The following STK31 variants were observed in gnomAD, a reference collection of about 807,000 sequenced individuals.
STK31 encodes serine/threonine-protein kinase 31.
STK31 carries 89 observed loss-of-function variants against 129.7 expected under a neutral mutation model. The observed-to-expected ratio is 0.69, with a 90% CI of 0.58 to 0.82. The LOEUF (loss-of-function observed/expected upper bound fraction) is 0.82. Among genes scored for constraint, STK31 ranks in the 40% least tolerant of loss-of-function variants. The probability of loss-of-function intolerance (pLI) is 0.00; values close to 1 mark genes in which losing one functional copy is unlikely to be tolerated. For synonymous variants in STK31, 448 were observed against 395.3 expected, an observed-to-expected ratio of 1.13 and a Z score of -1.58; for missense variants, 1,187 against 1,176.4, an observed-to-expected ratio of 1.01 and a Z score of -0.13.
intron 22 of STK31, among the ~76,000 whole-genome samples, chr7:23,814,738 T>C (rs537782957): frequency 6.6e-6 from 1 of 151,354 alleles, no homozygotes; most frequent in Non-Finnish European, 1.5e-5. Flanking sequence ...ATCCCCCTGA[T>C]TTCTGAAGTT....
At chr7:23,798,204 T>A (rs191324675) in intron 22 of STK31, among the ~76,000 whole-genome samples, 40 of 152,282 alleles carry the variant, frequency 2.6e-4, no homozygotes, top group Admixed American at 1.3e-4. Context: ...TTTCTGAAAC[T>A]GTTCCAAACA....
chr7:23,718,622 G>A (rs373519790), intron 4 of STK31, among the ~76,000 whole-genome samples: 1 of 151,980 alleles, frequency 6.6e-6, no homozygotes, highest in African/African-American at 2.4e-5. Context: ...GGCTTCTTTT[G>A]TTCAACATAA....
intron 22 of STK31, among the ~76,000 whole-genome samples, chr7:23,803,126 A>AT (rs1317432682): frequency 2.0e-5 from 3 of 152,162 alleles, no homozygotes; most frequent in East Asian, 3.9e-4. Context: ...TTACAACAGT[A>AT]TTTTTTTGAT....
intron 18 of STK31, among the ~76,000 whole-genome samples, chr7:23,786,107 T>C (rs1791266640): frequency 6.6e-6 from 1 of 150,956 alleles, no homozygotes; most frequent in Non-Finnish European, 1.5e-5. Flanking sequence ...TATACTTTCC[T>C]TTTTTTTTGG....
chr7:23,815,238 G>A (rs1273146623), intron 23 of STK31, 26 bp downstream of exon 23: 19 of 1,480,634 alleles, frequency 1.3e-5, no homozygotes, highest in East Asian at 2.4e-5. Flanking sequence ...GACATTTACT[G>A]GTTTGAAACA....
In STK31 at chr7:23,755,657, A is replaced by G. The variant is rs569016751; in HGVS notation, c.1293+1183A>G. Among the ~76,000 whole-genome samples, 347 of 152,318 alleles carry G rather than the reference A, an allele frequency of 2.3e-3. 1 individual carries two copies. Among genetic ancestry groups the G allele is most frequent in the Admixed American group, 4.8e-3 (73 of 15,302 alleles). On this transcript the variant is annotated intron_variant, in intron 10 of 23. Coordinates refer to ENST00000355870, the MANE Select transcript of STK31 (RefSeq NM_031414.5). ...GGTTTTACATTTAAGTCTTTAATCC[A>G]TCTAGAGTTAATTTTTGTGTAAAGT...
At position 23,790,838 on chromosome 7, in the gene STK31, G is replaced by A. The variant is rs138551298; in HGVS notation, c.2652G>A (p.Ser884=). 4.9e-5 allele frequency: 79 copies of A among 1,597,480 alleles called. No homozygotes were observed. Among genetic ancestry groups the A allele is most frequent in the Non-Finnish European group, 5.5e-5 (65 of 1,174,630 alleles). The change falls in exon 22 of 24, where the codon TCG becomes TCA. Residue 884 remains serine, a synonymous_variant. Transcript: ENST00000355870. Reference sequence around the variant, plus strand: ...TGTTTTTGCAGAGTCAGCGAGCCTCGGTGAACATGATGGTTGGTGACTTGA... The same window carrying A: ...TGTTTTTGCAGAGTCAGCGAGCCTCAGTGAACATGATGGTTGGTGACTTGA... ...DFTKSVSQRA[S]VNMMVGDLSL... is the part of the protein sequence containing the mutation.
chr7:23,710,123 C>T (rs1671223109), upstream of STK31: 1 of 1,293,012 alleles, frequency 7.7e-7, no homozygotes, highest in African/African-American at 1.4e-5. Flanking sequence ...CTCCCGCACG[C>T]TTCTTCCTAG....
chr7:23,710,280 T>A lies in STK31; in HGVS notation c.-6T>A. 6.2e-7 allele frequency: 1 copy of A among 1,611,184 alleles called. No individual in the cohort carries two copies. On this transcript the variant is annotated 5_prime_UTR_variant, in exon 1 of 24. Transcript: ENST00000355870. ...GCTACGGCGGGCGGAGGGCCGAAAG[T>A]CCAGTATGTGGGTCCAGGGTCACTC...
intron 22 of STK31, among the ~76,000 whole-genome samples, chr7:23,803,278 A>T (rs1792492414): frequency 6.6e-6 from 1 of 152,188 alleles, no homozygotes; most frequent in Non-Finnish European, 1.5e-5. Context: ...TTAAAAAGGT[A>T]ATATTCAGAG....
chr7:23,730,878 A>ATATATATATTTTTTT, intron 6 of STK31, among the ~76,000 whole-genome samples: 8 of 59,534 alleles, frequency 1.3e-4, no homozygotes, highest in East Asian at 4.5e-4. Context: ...ATATATATAT[A>ATATATATATTTTTTT]TTTTTTTTTT....
intron 8 of STK31, among the ~76,000 whole-genome samples, chr7:23,742,623 C>T (rs1231455840): frequency 6.6e-6 from 1 of 152,204 alleles, no homozygotes; most frequent in East Asian, 1.9e-4. Context: ...TTTTCTCTTA[C>T]TGTTTCCCTG....
At chr7:23,761,614 G>A (rs1789469225) in intron 10 of STK31, among the ~76,000 whole-genome samples, 1 of 150,944 alleles carries the variant, frequency 6.6e-6, no homozygotes, top group African/African-American at 2.4e-5. Flanking sequence ...TAGAGATGGG[G>A]TTTCACCATG....
chr7:23,769,876 C>T (rs530247422), intron 13 of STK31, 120 bp downstream of exon 13: 2 of 557,146 alleles, frequency 3.6e-6, no homozygotes, highest in South Asian at 7.7e-5. Context: ...TAAGACTGAT[C>T]TTAGCTTTCT....
rs145726390 is a variant in STK31, at chr7:23,832,239, A to C, written c.2933A>C (p.Gln978Pro). Reference sequence around the variant, plus strand: ...GAATGTTTCTTGATGCCAAAGGAGCAATCAGTTCCAAACCCAGAAAAAGAT... The same window carrying C: ...GAATGTTTCTTGATGCCAAAGGAGCCATCAGTTCCAAACCCAGAAAAAGAT... ...NAECFLMPKE[Q>P]SVPNPEKDTE... is the part of the protein sequence containing the mutation. Residue 978 changes from glutamine to proline, a missense_variant, in exon 24 of 24, where the codon CAA becomes CCA. This residue lies in a region of STK31 where 975 missense variants were observed against 934.9 expected (regional missense o/e 1.04). Coordinates refer to ENST00000355870, the MANE Select transcript of STK31 (RefSeq NM_031414.5). 22 of 1,613,996 alleles carry C rather than the reference A, an allele frequency of 1.4e-5. No homozygotes were observed. The highest frequency in any genetic ancestry group is 1.8e-5 in the Non-Finnish European group (21 of 1,179,972).
chr7:23,729,375 A>C lies in STK31; in HGVS notation c.483+126A>C, dbSNP rs772508911. 635 of 853,724 alleles carry C rather than the reference A, an allele frequency of 7.4e-4. 2 individuals carry two copies. The highest frequency in any genetic ancestry group is 1.0e-3 in the Non-Finnish European group (602 of 598,186). The allele number at this position is 853,724 out of a possible 1,614,324, so 52.9% of individuals were successfully genotyped here. On this transcript the variant is annotated intron_variant, in intron 6 of 23. Coordinates refer to ENST00000355870, the MANE Select transcript of STK31 (RefSeq NM_031414.5). ...TATAAATTAGTGAAAAATAGGAATT[A>C]TAATTAGAAAGCAATTATATATTTA...
chr7:23,809,135 G>T (rs901822168), intron 22 of STK31, among the ~76,000 whole-genome samples: 4 of 151,038 alleles, frequency 2.6e-5, no homozygotes, highest in Non-Finnish European at 1.5e-5. Context: ...GTTTTCCTGT[G>T]TTGTATTATA....
chr7:23,819,229 G>T (rs1252071724), intron 23 of STK31, among the ~76,000 whole-genome samples: 2 of 152,052 alleles, frequency 1.3e-5, no homozygotes, highest in Non-Finnish European at 2.9e-5. Flanking sequence ...ATCTTTAAAT[G>T]TTCTTAAAAA....
At chr7:23,726,616 C>CAA (rs768158362) in intron 4 of STK31, among the ~76,000 whole-genome samples, 76 of 108,478 alleles carry the variant, frequency 7.0e-4, no homozygotes, top group African/African-American at 2.5e-3. Context: ...GACCCTGTCT[C>CAA]AAAAAAAAAA....
Sources: gnomAD v4.1 joint callset for allele counts (sites outside exome capture counted in the v4.1 genomes callset) on GRCh38, gnomAD v4.1.1 for gene constraint, gnomAD v4.1.1 regional missense constraint, MANE v1.5 for transcripts, NCBI Gene and HGNC (gene_info 2026-07-23, HGNC 2026-07-21) for gene names.